Variants in PYGL observed in about 807,000 individuals in gnomAD.
The protein encoded by PYGL is glycogen phosphorylase L.
Under a neutral mutation model 100.1 loss-of-function variants are expected in PYGL, and 90 were observed. That is an observed-to-expected ratio of 0.90 (90% CI 0.76 to 1.07). PYGL has a LOEUF of 1.07. Ranked by LOEUF, PYGL falls within the 50% of genes least tolerant of loss-of-function variation. The probability of loss-of-function intolerance (pLI) is 0.00; values close to 1 mark genes in which losing one functional copy is unlikely to be tolerated. For synonymous variants in PYGL, 373 were observed against 393.0 expected (o/e 0.95, Z 0.60); for missense variants, 1,016 against 1,057.6 (o/e 0.96, Z 0.55).
At chr14:50,923,249 G>C (rs909622513) in intron 5 of PYGL, 2 of 152,088 alleles carry the variant, frequency 1.3e-5, no homozygotes, top group African/African-American at 2.4e-5. Flanking sequence ...ATGCTTCCAG[G>C]ATTGATTGTG....
chr14:50,916,997 C>A lies in PYGL; in HGVS notation c.964G>T (p.Gly322Cys). 6.2e-7 allele frequency: 1 copy of A among 1,614,214 alleles called. No individual in the cohort carries two copies. The highest frequency in any genetic ancestry group is 1.1e-5 in the South Asian group (1 of 91,080). The change falls in exon 8 of 20, where the codon GGT becomes TGT. Residue 322 changes from glycine (G) to cysteine (C), a missense_variant. Gly to Cys is a radical substitution (Grantham distance 159). Coordinates refer to ENST00000216392, the MANE Select transcript of PYGL (RefSeq NM_002863.5). The part of the protein sequence containing the change: ...FKASKFGSTR[G>C]AGTVFDAFPD... ...AAGGCATCAAACACAGTTCCTGCACCACGGGTGGAGCCAAACTTGGAGGCT... is the reference window on the plus strand; with the variant it reads ...AAGGCATCAAACACAGTTCCTGCACAACGGGTGGAGCCAAACTTGGAGGCT...
Position 50,912,044 on chromosome 14 carries a change from AG to A in PYGL, c.1769-9del. 6.2e-7 allele frequency: 1 copy of A among 1,613,844 alleles called. No individual in the cohort carries two copies. ...TAGGGTCTTTCTTAATGCCTGAAAA[AG>A]ATGGAGAAGTGGATGAAATGGAAGA... On this transcript the variant is annotated splice_polypyrimidine_tract_variant and intron_variant, in intron 14 of 19. Coordinates refer to ENST00000216392, the MANE Select transcript of PYGL (RefSeq NM_002863.5).
intron 11 of PYGL, chr14:50,915,111 T>C: frequency 1.5e-6 from 1 of 651,440 alleles, no homozygotes; most frequent in Non-Finnish European, 2.6e-6. Context: ...GTTTGTTTGT[T>C]TTGGCTCCTA....
intron 16 of PYGL, among the ~76,000 whole-genome samples, chr14:50,910,804 A>G (rs569418888): frequency 6.6e-6 from 1 of 152,282 alleles, no homozygotes; most frequent in African/African-American, 2.4e-5. Flanking sequence ...CAGGGAAATA[A>G]GCCACACGTA....
At chr14:50,910,812 G>A (rs538348675) in intron 16 of PYGL, among the ~76,000 whole-genome samples, 5 of 152,204 alleles carry the variant, frequency 3.3e-5, no homozygotes, top group East Asian at 3.9e-4. Context: ...TAAGCCACAC[G>A]TAATTGAGGT....
Position 50,934,671 on chromosome 14 carries a change from A to G in PYGL, c.424+436T>C, listed in dbSNP as rs191439983. Among the ~76,000 whole-genome samples the G allele has an allele frequency of 4.1e-3, 618 of 150,210 alleles. 4 individuals are homozygous for G. Among genetic ancestry groups the G allele is most frequent in the Admixed American group, 8.1e-3 (119 of 14,772 alleles). On this transcript the variant is annotated intron_variant, in intron 3 of 19. Transcript: ENST00000216392. ...TGTGTATGTGTGTGTATATATATATATGTGTGTGTGTGTTTGTGTGTACAT... is the reference window on the plus strand; with the variant it reads ...TGTGTATGTGTGTGTATATATATATGTGTGTGTGTGTGTTTGTGTGTACAT...
chr14:50,940,904 C>G (rs1037230437), intron 1 of PYGL, among the ~76,000 whole-genome samples: 5 of 152,166 alleles, frequency 3.3e-5, no homozygotes, highest in African/African-American at 9.7e-5. Flanking sequence ...CTGAGACTTG[C>G]AGGACAGGCA....
chr14:50,908,338 CT>C lies in PYGL; in HGVS notation c.2313-2del. 6.3e-7 allele frequency: 1 copy of C among 1,592,840 alleles called. No individual in the cohort carries two copies. Among genetic ancestry groups the C allele is most frequent in the Non-Finnish European group, 8.6e-7 (1 of 1,160,778 alleles). ...TTCGTAGTCTGCAAAGACTTTAAAC[CT>C]TTTATTTTGTGAGTGGAAGAGGAAA... On this transcript the variant is annotated splice_acceptor_variant, in intron 18 of 19. Coordinates refer to ENST00000216392, the MANE Select transcript of PYGL (RefSeq NM_002863.5). LOFTEE classifies it high-confidence loss of function.
intron 16 of PYGL, 103 bp from the exon 17 acceptor site, chr14:50,910,205 T>C (rs571151159): frequency 3.4e-5 from 40 of 1,184,638 alleles, no homozygotes; most frequent in Non-Finnish European, 4.6e-5. Context: ...ATTAAAGTAA[T>C]ACATGCACAT....
In PYGL at chr14:50,909,624, C is replaced by A. The variant is rs117827578; in HGVS notation, c.2177+271G>T. ...TTGATCAAAGTAAAAATCATACATACGGAGGAAAAATAGCTCTTTGAGGCC... is the reference window on the plus strand; with the variant it reads ...TTGATCAAAGTAAAAATCATACATAAGGAGGAAAAATAGCTCTTTGAGGCC... On this transcript the variant is annotated intron_variant, in intron 17 of 19. Transcript: ENST00000216392. 3.3e-5 allele frequency among the ~76,000 whole-genome samples: 5 copies of A among 152,280 alleles called. No individual in the cohort carries two copies. The South Asian group carries it at 1.0e-3, about 32-fold the overall frequency.
At chr14:50,913,211 T>A in intron 12 of PYGL, 81 bp from the exon 13 acceptor site, 6 of 1,110,206 alleles carry the variant, frequency 5.4e-6, no homozygotes, top group Non-Finnish European at 8.1e-6. Context: ...AGTATTTCTC[T>A]CTGTCACCTA....
Position 50,913,086 on chromosome 14 carries a change from C to T in PYGL, c.1563G>A (p.Lys521=). ...DYVKDLSQLT[K]LHSFLGDDVF... ...CATCATCACCCAGGAAGCTGTGGAG[C>T]TTCGTCAGCTGGCTCAGGTCTTTCA... Residue 521 remains lysine (K), a synonymous_variant, in exon 13 of 20, where the codon AAG becomes AAA. Transcript: ENST00000216392. 1.2e-6 allele frequency: 2 copies of T among 1,614,030 alleles called. No individual in the cohort carries two copies. Among genetic ancestry groups the T allele is most frequent in the East Asian group, 4.5e-5 (2 of 44,868 alleles).
Position 50,908,878 on chromosome 14 carries a change from G to GA in PYGL, c.2254dup (p.Ser752PhefsTer6). The GA allele has an allele frequency of 5.2e-6, 8 of 1,541,476 alleles. No homozygotes were observed. Among genetic ancestry groups the GA allele is most frequent in the Non-Finnish European group, 7.1e-6 (8 of 1,126,180 alleles). On this transcript the variant is annotated frameshift_variant, in exon 18 of 20. Transcript: ENST00000216392. LOFTEE classifies it high-confidence loss of function. ...TTTGAAGAGGTCAGGCTGCTTGGGAGAAAAAAAGCCATTGTCAATTTGATC... is the reference window on the plus strand; with the variant it reads ...TTTGAAGAGGTCAGGCTGCTTGGGAGAAAAAAAAGCCATTGTCAATTTGATC...
intron 4 of PYGL, among the ~76,000 whole-genome samples, chr14:50,930,110 T>C (rs2050589565): frequency 1.3e-5 from 2 of 152,328 alleles, no homozygotes; most frequent in South Asian, 4.1e-4. Context: ...TCCTATTTTG[T>C]TAAAATTAAT....
In PYGL at chr14:50,920,421, C is replaced by T. The variant is rs545065359; in HGVS notation, c.855+120G>A. ...AATCTACACAATTCAGGAAGAAATACGGAGCTTGTTCTGCACATGGAAAAA... is the reference window on the plus strand; with the variant it reads ...AATCTACACAATTCAGGAAGAAATATGGAGCTTGTTCTGCACATGGAAAAA... On this transcript the variant is annotated intron_variant, in intron 7 of 19. Coordinates refer to ENST00000216392, the MANE Select transcript of PYGL (RefSeq NM_002863.5). 9.4e-5 allele frequency: 92 copies of T among 978,440 alleles called. No homozygotes were observed. The South Asian group carries it at 1.0e-3, about 11-fold the overall frequency. 60.6% of individuals were successfully genotyped at this position (978,440 alleles called of 1,614,324 possible).
At chr14:50,909,035 T>C in intron 17 of PYGL, 80 bp from the exon 18 acceptor site, 1 of 1,452,306 alleles carries the variant, frequency 6.9e-7, no homozygotes, top group Non-Finnish European at 9.6e-7. Context: ...AGACACTGCA[T>C]TCACTGTGAA....
chr14:50,910,451 C>T (rs567570086), intron 16 of PYGL, among the ~76,000 whole-genome samples: 39 of 151,634 alleles, frequency 2.6e-4, no homozygotes, highest in African/African-American at 8.2e-4. Flanking sequence ...ATTGAAATTT[C>T]TCTTTTTTTC....
chr14:50,920,724 T>A, intron 6 of PYGL, 101 bp from the exon 7 acceptor site: 1 of 1,274,760 alleles, frequency 7.8e-7, no homozygotes. Context: ...GTGGGATTCC[T>A]AAAATTCCTA....
chr14:50,924,577 T>A (rs1415795353), intron 4 of PYGL, among the ~76,000 whole-genome samples: 3 of 152,192 alleles, frequency 2.0e-5, no homozygotes, highest in African/African-American at 7.2e-5. Context: ...ATATACAGAA[T>A]CAGTTAGAAA....
Sources: allele counts gnomAD v4.1 joint callset (sites outside exome capture counted in the v4.1 genomes callset), GRCh38; gene constraint gnomAD v4.1.1; transcripts MANE v1.5; gene names NCBI Gene and HGNC (gene_info 2026-07-23, HGNC 2026-07-21).